Variants in PARD3 observed in about 807,000 individuals in gnomAD.
PARD3 encodes partitioning defective 3 homolog.
A neutral mutation model predicts 155.4 loss-of-function variants in PARD3; 75 were observed. The observed-to-expected ratio is 0.48, with a 90% CI of 0.40 to 0.58. PARD3 has a LOEUF of 0.58. PARD3 is among the 20% of genes least tolerant of loss of function. The probability of loss-of-function intolerance (pLI) is 0.00; values close to 1 mark genes in which losing one functional copy is unlikely to be tolerated. For synonymous variants in PARD3, 576 were observed against 610.5 expected (o/e 0.94, Z 0.83); for missense variants, 1,642 against 1,721.7 (o/e 0.95, Z 0.82).
intron 3 of PARD3, among the ~76,000 whole-genome samples, chr10:34,474,941 AT>A (rs773693704): frequency 1.3e-5 from 2 of 152,200 alleles, no homozygotes; most frequent in African/African-American, 2.4e-5. Flanking sequence ...AGACATCCAA[AT>A]TTCAGAAATG....
In PARD3 at chr10:34,131,378, A is replaced by G. The variant is rs1947602342; in HGVS notation, c.3540+85T>C. ...ATTTGGCTCCATCTTGTCTCGTTTC[A>G]TAGAGCATTGAGGTCATAGCTTAGT... On this transcript the variant is annotated intron_variant, in intron 23 of 24. Transcript: ENST00000374788. The G allele has an allele frequency of 2.0e-6, 3 of 1,478,152 alleles. No individual in the cohort carries two copies. The South Asian group carries it at 3.6e-5, about 18-fold the overall frequency. The allele number at this position is 1,478,152 out of a possible 1,614,324, so 91.6% of individuals were successfully genotyped here. A position where few individuals can be genotyped will look rare whatever the true frequency, so the allele number is the denominator to read the frequency against.
At chr10:34,309,064 G>A (rs1052716840) in intron 20 of PARD3, among the ~76,000 whole-genome samples, 2 of 152,156 alleles carry the variant, frequency 1.3e-5, no homozygotes, top group African/African-American at 4.8e-5. Flanking sequence ...AACAGGATTT[G>A]CTGAGTGGAA....
At chr10:34,695,883 G>A (rs1190804833) in intron 2 of PARD3, among the ~76,000 whole-genome samples, 1 of 152,188 alleles carries the variant, frequency 6.6e-6, no homozygotes, top group Non-Finnish European at 1.5e-5. Context: ...ACAGGAGCAC[G>A]GTGCACCGCC....
chr10:34,211,400 A>G (rs1184108365), intron 22 of PARD3, among the ~76,000 whole-genome samples: 1 of 152,188 alleles, frequency 6.6e-6, no homozygotes, highest in Non-Finnish European at 1.5e-5. Context: ...ACACTTACAA[A>G]TGCTCAGAAC....
At chr10:34,302,186 A>G (rs1957187388) in intron 20 of PARD3, among the ~76,000 whole-genome samples, 1 of 152,148 alleles carries the variant, frequency 6.6e-6, no homozygotes, top group Admixed American at 6.6e-5. Context: ...GATTTCCACC[A>G]TCTAAATGGT....
At chr10:34,759,868 C>G (rs1488616860) in intron 1 of PARD3, among the ~76,000 whole-genome samples, 1 of 152,198 alleles carries the variant, frequency 6.6e-6, no homozygotes, top group East Asian at 1.9e-4. Flanking sequence ...ATGTGAAAAG[C>G]TCTGCACATA....
chr10:34,248,120 G>A (rs1954076768), intron 22 of PARD3, among the ~76,000 whole-genome samples: 4 of 152,076 alleles, frequency 2.6e-5, no homozygotes, highest in Non-Finnish European at 5.9e-5. Context: ...CCTTAAGATG[G>A]GTGTTTATAT....
chr10:34,187,166 T>TA (rs2133236732), intron 22 of PARD3, among the ~76,000 whole-genome samples: 1 of 152,178 alleles, frequency 6.6e-6, no homozygotes, highest in South Asian at 2.1e-4. Flanking sequence ...GTGGAGACGT[T>TA]AAAGAACTGC....
chr10:34,761,368 A>G (rs1837419248), intron 1 of PARD3, among the ~76,000 whole-genome samples: 1 of 152,134 alleles, frequency 6.6e-6, no homozygotes, highest in Non-Finnish European at 1.5e-5. Flanking sequence ...CCACAATCAC[A>G]CCACTGCACT....
At chr10:34,112,447 TA>T (rs1369997814) in intron 24 of PARD3, among the ~76,000 whole-genome samples, 1 of 152,226 alleles carries the variant, frequency 6.6e-6, no homozygotes, top group Non-Finnish European at 1.5e-5. Context: ...GAATTTACAA[TA>T]AGATTGGCTA....
intron 3 of PARD3, among the ~76,000 whole-genome samples, chr10:34,496,924 A>G (rs958114039): frequency 2.0e-5 from 3 of 152,156 alleles, no homozygotes; most frequent in Non-Finnish European, 4.4e-5. Flanking sequence ...TGTATACTAA[A>G]ATGTTTTCAG....
At chr10:34,374,210 T>A (rs920934127) in intron 11 of PARD3, among the ~76,000 whole-genome samples, 1 of 152,156 alleles carries the variant, frequency 6.6e-6, no homozygotes, top group East Asian at 1.9e-4. Flanking sequence ...TTTAAGACAC[T>A]TATTTCATTC....
chr10:34,517,381 T>A (rs147996638), intron 2 of PARD3, among the ~76,000 whole-genome samples: 1 of 152,156 alleles, frequency 6.6e-6, no homozygotes, highest in African/African-American at 2.4e-5. Flanking sequence ...CAAAAGTCTA[T>A]GGGTGAAAAA....
intron 2 of PARD3, among the ~76,000 whole-genome samples, chr10:34,588,519 ACCATGTACAACCT>A (rs1210738292): frequency 1.3e-5 from 2 of 152,286 alleles, no homozygotes; most frequent in East Asian, 3.9e-4. Flanking sequence ...ATAGGTCAAA[ACCATGTACAACCT>A]CCATGTATGA....
intron 1 of PARD3, among the ~76,000 whole-genome samples, chr10:34,787,519 T>C (rs1841121286): frequency 6.6e-6 from 1 of 152,208 alleles, no homozygotes; most frequent in Non-Finnish European, 1.5e-5. Flanking sequence ...TAAGGGCAGA[T>C]GCTCTTTACA....
chr10:34,338,861 C>T (rs561794808), intron 16 of PARD3, among the ~76,000 whole-genome samples: 2 of 152,288 alleles, frequency 1.3e-5, no homozygotes, highest in African/African-American at 4.8e-5. Context: ...CAAGAGAATT[C>T]AGCAACCTAA....
At chr10:34,335,572 C>T (rs1459230862) in intron 18 of PARD3, among the ~76,000 whole-genome samples, 1 of 151,908 alleles carries the variant, frequency 6.6e-6, no homozygotes, top group Non-Finnish European at 1.5e-5. Context: ...TCCATTGTTT[C>T]TATGGAATGA....
At chr10:34,648,626 G>A (rs747577582) in intron 2 of PARD3, among the ~76,000 whole-genome samples, 8 of 152,170 alleles carry the variant, frequency 5.3e-5, no homozygotes, top group Non-Finnish European at 7.3e-5. Flanking sequence ...CGCTAACACC[G>A]ATGCTGACCT....
At chr10:34,382,091 C>T (rs1160566020) in intron 9 of PARD3, among the ~76,000 whole-genome samples, 2 of 152,104 alleles carry the variant, frequency 1.3e-5, no homozygotes, top group African/African-American at 4.8e-5. Context: ...TGGTCCCTCC[C>T]CACATCAAAT....
Sources: allele counts gnomAD v4.1 joint callset (sites outside exome capture counted in the v4.1 genomes callset), GRCh38; gene constraint gnomAD v4.1.1; transcripts MANE v1.5; gene names NCBI Gene and HGNC (gene_info 2026-07-23, HGNC 2026-07-21).